ZNF704: variants seen among roughly 807,000 people sequenced by gnomAD.
ZNF704 encodes the protein zinc finger protein 704, also known as glucocorticoid induced gene 1.
A neutral mutation model predicts 44.7 loss-of-function variants in ZNF704; 10 were observed. That is an observed-to-expected ratio of 0.22 (90% CI 0.14 to 0.38). The LOEUF (loss-of-function observed/expected upper bound fraction) is 0.38. Ranked by LOEUF, ZNF704 falls within the 10% of genes least tolerant of loss-of-function variation. The pLI is 1.00. For missense variants in ZNF704, 390 were observed against 545.5 expected (o/e 0.71, Z 2.84); for synonymous variants, 211 against 207.6 (o/e 1.02, Z -0.14).
rs1335730130 is a variant in ZNF704 at position 80,634,675 on chromosome 8, G to C, written c.*6691C>G. ...CTGAGTGTGGGCACCCCTTCAAAGA[G>C]GGCATGTGTTCTGCAGTTCAACCTG... On this transcript the variant is annotated 3_prime_UTR_variant, in exon 9 of 9. Coordinates refer to ENST00000327835, the MANE Select transcript of ZNF704 (RefSeq NM_001033723.3). 6.6e-6 allele frequency: 1 copy of C among 152,216 alleles called. No homozygotes were observed. Among genetic ancestry groups the C allele is most frequent in the African/African-American group, 2.4e-5 (1 of 41,428 alleles). 9.4% of individuals were successfully genotyped at this position (152,216 alleles called of 1,614,324 possible).
chr8:80,678,579 GACATATGTAT>G (rs1288030533), intron 4 of ZNF704, among the ~76,000 whole-genome samples: 14 of 152,110 alleles, frequency 9.2e-5, no homozygotes, highest in Non-Finnish European at 2.1e-4. Flanking sequence ...TATTTGCAAA[GACATATGTAT>G]ATTCATTCAT....
intron 1 of ZNF704, among the ~76,000 whole-genome samples, chr8:80,871,967 C>T (rs1809260535): frequency 6.6e-6 from 1 of 152,180 alleles, no homozygotes; most frequent in Admixed American, 6.5e-5. Context: ...TTATCACACT[C>T]ATTATTCTGT....
intron 2 of ZNF704, among the ~76,000 whole-genome samples, chr8:80,757,463 A>G (rs914226730): frequency 3.3e-5 from 5 of 152,188 alleles, no homozygotes; most frequent in African/African-American, 1.2e-4. Context: ...AGTTAAAAAA[A>G]AAAACCTTAA....
intron 2 of ZNF704, chr8:80,776,527 A>G (rs1182031289): frequency 6.6e-6 from 1 of 152,202 alleles, no homozygotes; most frequent in East Asian, 1.9e-4. Flanking sequence ...AGTTTCATCA[A>G]TTTGAATCAA....
Position 80,847,063 on chromosome 8 carries a change from C to T in ZNF704, c.-21-25448G>A, listed in dbSNP as rs142572315. On this transcript the variant is annotated intron_variant, in intron 1 of 8. Coordinates refer to ENST00000327835, the MANE Select transcript of ZNF704 (RefSeq NM_001033723.3). ...TGACGCATGTCTGTAATCCCAGCTA[C>T]TCGGGTGGCTGAGGCAGGAGAATCA... 5.3e-5 allele frequency among the ~76,000 whole-genome samples: 8 copies of T among 152,192 alleles called. No individual in the cohort carries two copies. The East Asian group carries it at 1.5e-3, about 29-fold the overall frequency.
intron 2 of ZNF704, among the ~76,000 whole-genome samples, chr8:80,739,759 G>A (rs909028050): frequency 6.6e-6 from 1 of 152,148 alleles, no homozygotes; most frequent in Non-Finnish European, 1.5e-5. Flanking sequence ...AATGCTAATA[G>A]GGCTTGCTTC....
At chr8:80,659,717 T>C in intron 6 of ZNF704, 28 bp from the exon 7 acceptor site, 2 of 1,601,046 alleles carry the variant, frequency 1.2e-6, no homozygotes, top group African/African-American at 1.3e-5. Flanking sequence ...GAGAAAGCTG[T>C]TATGAAGGAA....
intron 1 of ZNF704, among the ~76,000 whole-genome samples, chr8:80,828,912 A>G (rs971715678): frequency 6.6e-6 from 1 of 152,182 alleles, no homozygotes; most frequent in African/African-American, 2.4e-5. Flanking sequence ...TATGACACAT[A>G]GAGCACTACA....
chr8:80,853,368 T>TA (rs1332756150), intron 1 of ZNF704, among the ~76,000 whole-genome samples: 1 of 152,212 alleles, frequency 6.6e-6, no homozygotes, highest in Non-Finnish European at 1.5e-5. Context: ...ATACCATCTT[T>TA]AAAAACAACA....
At chr8:80,822,985 T>C (rs1221385026) in intron 1 of ZNF704, among the ~76,000 whole-genome samples, 3 of 152,152 alleles carry the variant, frequency 2.0e-5, no homozygotes, top group African/African-American at 7.2e-5. Flanking sequence ...TGGCCAAATA[T>C]AGGAACAGCT....
At chr8:80,644,910 G>A in intron 7 of ZNF704, 2 of 929,678 alleles carry the variant, frequency 2.2e-6, no homozygotes, top group East Asian at 2.4e-5. Flanking sequence ...TAAAGCTTGA[G>A]GCTGAAAAGC....
intron 2 of ZNF704, among the ~76,000 whole-genome samples, chr8:80,728,794 G>A (rs555561622): frequency 9.2e-5 from 14 of 152,240 alleles, no homozygotes; most frequent in South Asian, 2.1e-4. Context: ...ACTTTGTAAC[G>A]CTGGACAAGT....
chr8:80,721,676 T>C (rs575985484), intron 2 of ZNF704, among the ~76,000 whole-genome samples: 12 of 152,322 alleles, frequency 7.9e-5, no homozygotes, highest in African/African-American at 2.6e-4. Context: ...TGTAACCAAA[T>C]TGACTAGGCA....
intron 2 of ZNF704, among the ~76,000 whole-genome samples, chr8:80,702,124 A>G (rs1230705470): frequency 3.3e-5 from 5 of 152,174 alleles, no homozygotes; most frequent in Admixed American, 1.3e-4. Flanking sequence ...CTGGGCTCCA[A>G]TGGAAGTAGC....
intron 2 of ZNF704, among the ~76,000 whole-genome samples, chr8:80,802,922 C>A (rs1807926245): frequency 6.6e-6 from 1 of 152,026 alleles, no homozygotes; most frequent in South Asian, 2.1e-4. Context: ...ATGACAAGAT[C>A]CTATATCTAG....
intron 2 of ZNF704, among the ~76,000 whole-genome samples, chr8:80,769,635 A>G (rs1464176580): frequency 6.6e-6 from 1 of 152,178 alleles, no homozygotes; most frequent in East Asian, 1.9e-4. Flanking sequence ...CCTCATCTCC[A>G]TCTGAGACCA....
intron 2 of ZNF704, chr8:80,776,639 A>G (rs185534623): frequency 6.6e-6 from 1 of 152,162 alleles, no homozygotes; most frequent in African/African-American, 2.4e-5. Flanking sequence ...AAAATTTCTG[A>G]TTCTTTTCTT....
At chr8:80,810,709 T>C (rs1200486660) in intron 2 of ZNF704, among the ~76,000 whole-genome samples, 1 of 152,218 alleles carries the variant, frequency 6.6e-6, no homozygotes, top group African/African-American at 2.4e-5. Flanking sequence ...TTGATTTAGA[T>C]GGAATTTAAA....
intron 4 of ZNF704, among the ~76,000 whole-genome samples, chr8:80,682,392 C>A (rs1354019550): frequency 6.6e-6 from 1 of 152,204 alleles, no homozygotes; most frequent in African/African-American, 2.4e-5. Context: ...ATGGTTAAGA[C>A]ACATACCTGT....
Sources: allele counts gnomAD v4.1 joint callset (sites outside exome capture counted in the v4.1 genomes callset), GRCh38; gene constraint gnomAD v4.1.1; transcripts MANE v1.5; gene names NCBI Gene and HGNC (gene_info 2026-07-23, HGNC 2026-07-21).